Variants in NPM2 observed in about 807,000 individuals in gnomAD.
The protein encoded by NPM2 is nucleophosmin/nucleoplasmin 2.
A neutral mutation model predicts 32.0 loss-of-function variants in NPM2; 25 were observed. The ratio of observed to expected loss-of-function variants is 0.78; its 90% CI spans 0.57 to 1.09. The LOEUF is 1.09. Among genes scored for constraint, NPM2 ranks in the 50% least tolerant of loss-of-function variants. NPM2 has a pLI of 0.00. For missense variants in NPM2, 282 were observed against 259.9 expected, an observed-to-expected ratio of 1.08 and a Z score of -0.58; for synonymous variants, 111 against 94.2, an observed-to-expected ratio of 1.18 and a Z score of -1.04.
chr8:22,034,318 T>TA (rs1800546787), intron 7 of NPM2, 43 bp downstream of exon 7: 1 of 1,541,166 alleles, frequency 6.5e-7, no homozygotes, highest in Non-Finnish European at 8.8e-7. Context: ...GTGGTACCCC[T>TA]ACAGAAGCAC....
Position 22,025,541 on chromosome 8 carries a change from G to A in NPM2, c.144+20G>A, listed in dbSNP as rs1347431121. 2 of 1,613,826 alleles carry A rather than the reference G, an allele frequency of 1.2e-6. No individual in the cohort carries two copies. Among genetic ancestry groups the A allele is most frequent in the Non-Finnish European group, 1.7e-6 (2 of 1,179,790 alleles). ...CATACGGTAGGTGTTCCCAAAAGAG[G>A]GGAGGAAGATGGTGTCCGGGAACTT... On this transcript the variant is annotated intron_variant, in intron 4 of 9. Transcript: ENST00000518119.
chr8:22,034,898 A>C (rs1800569753), intron 8 of NPM2, among the ~76,000 whole-genome samples: 1 of 152,226 alleles, frequency 6.6e-6, no homozygotes, highest in South Asian at 2.1e-4. Flanking sequence ...ACTTGAGGTC[A>C]GGAGCTCGAG....
At chr8:22,031,815 C>T (rs1417028076) in intron 5 of NPM2, among the ~76,000 whole-genome samples, 1 of 152,206 alleles carries the variant, frequency 6.6e-6, no homozygotes, top group Non-Finnish European at 1.5e-5. Flanking sequence ...GGTTGCAGCA[C>T]ACCAGCTCCT....
At chr8:22,030,115 C>T (rs554078743) in intron 5 of NPM2, among the ~76,000 whole-genome samples, 4 of 152,236 alleles carry the variant, frequency 2.6e-5, no homozygotes, top group African/African-American at 9.6e-5. Flanking sequence ...GTGTTAGCTC[C>T]CCCAATGTTT....
At chr8:22,026,523 C>T (rs140277449) in intron 5 of NPM2, among the ~76,000 whole-genome samples, 273 of 142,372 alleles carry the variant, frequency 1.9e-3, no homozygotes, top group African/African-American at 6.6e-3. Flanking sequence ...GGTGCAATCT[C>T]AGCTCACTGC....
Position 22,036,531 on chromosome 8 carries a change from G to A in NPM2, c.600+5G>A, listed in dbSNP as rs1260834548. 1.9e-6 allele frequency: 3 copies of A among 1,598,950 alleles called. No homozygotes were observed. The highest frequency in any genetic ancestry group is 2.7e-5 in the African/African-American group (2 of 74,408). On this transcript the variant is annotated splice_donor_5th_base_variant and intron_variant, in intron 9 of 9. Transcript: ENST00000518119. ...GACAAGAGCCCTGTGAAAAAGGTGA[G>A]TAGGACCAGAGGGCTTTGGCCCTTG...
chr8:22,025,036 C>T (rs1236070001), intron 2 of NPM2, 180 bp from the exon 3 acceptor site: 7 of 560,234 alleles, frequency 1.2e-5, no homozygotes, highest in Non-Finnish European at 1.9e-5. Flanking sequence ...CCGGGCTGCG[C>T]ACCCCGCTAG....
intron 5 of NPM2, among the ~76,000 whole-genome samples, chr8:22,026,247 C>T (rs1295724804): frequency 6.6e-6 from 1 of 152,076 alleles, no homozygotes; most frequent in Admixed American, 6.6e-5. Flanking sequence ...AACCACCCCC[C>T]ACTCCCACCC....
intron 9 of NPM2, 48 bp from the exon 10 acceptor site, chr8:22,036,590 G>A (rs1163047071): frequency 7.1e-6 from 11 of 1,558,946 alleles, no homozygotes; most frequent in Non-Finnish European, 8.7e-6. Flanking sequence ...GGGGCTGCCT[G>A]GTATGGAGAA....
At chr8:22,033,085 G>A (rs557705763) in intron 5 of NPM2, 45 bp from the exon 6 acceptor site, 6 of 1,450,920 alleles carry the variant, frequency 4.1e-6, no homozygotes, top group African/African-American at 2.8e-5. Flanking sequence ...CCCGAGAGGT[G>A]CCAGGCCTAA....
chr8:22,036,726 G>C lies in NPM2; in HGVS notation c.*44G>C, dbSNP rs1247044533. 6.6e-7 allele frequency: 1 copy of C among 1,521,198 alleles called. No individual in the cohort carries two copies. The highest frequency in any genetic ancestry group is 8.8e-7 in the Non-Finnish European group (1 of 1,135,980). The allele number at this position is 1,521,198 out of a possible 1,614,324, so 94.2% of individuals were successfully genotyped here. ...GCACGGTGCAAAGTGGGCCTTCCCT[G>C]GGCTGTGCTGCAGGCACAGGGTGCC... On this transcript the variant is annotated 3_prime_UTR_variant, in exon 10 of 10. Coordinates refer to ENST00000518119, the MANE Select transcript of NPM2 (RefSeq NM_001286680.2).
At chr8:22,034,048 G>T in intron 6 of NPM2, 61 bp from the exon 7 acceptor site, 1 of 1,534,772 alleles carries the variant, frequency 6.5e-7, no homozygotes, top group Non-Finnish European at 8.8e-7. Flanking sequence ...AGAATGGGAG[G>T]TGGGCATTGA....
At chr8:22,033,513 C>T (rs780358914) in intron 6 of NPM2, among the ~76,000 whole-genome samples, 8 of 152,202 alleles carry the variant, frequency 5.3e-5, no homozygotes, top group Admixed American at 3.9e-4. Context: ...ATACCCAGCA[C>T]TAGGGAACCA....
intron 5 of NPM2, among the ~76,000 whole-genome samples, chr8:22,027,603 CT>C (rs542386619): frequency 0.012 from 1,770 of 143,098 alleles, 9 homozygotes; most frequent in African/African-American, 0.019. Flanking sequence ...AGACAAAGCT[CT>C]TTTTTTTTTT....
chr8:22,030,956 A>G (rs1294865130), intron 5 of NPM2, among the ~76,000 whole-genome samples: 1 of 152,124 alleles, frequency 6.6e-6, no homozygotes, highest in Non-Finnish European at 1.5e-5. Context: ...ATGTTTTGTA[A>G]TTTTATACGG....
rs1300202863 is a variant in NPM2 at position 22,025,791 on chromosome 8, G to C, written c.270+19G>C. On this transcript the variant is annotated intron_variant, in intron 5 of 9. Transcript: ENST00000518119. ...CCCCATGGTGCGCATTTCCCTGCTG[G>C]CTGGAAGACTGCTGTCAGCCTCACC... The C allele has an allele frequency of 6.2e-7, 1 of 1,613,638 alleles. No individual in the cohort carries two copies. The highest frequency in any genetic ancestry group is 1.7e-5 in the Admixed American group (1 of 60,020).
At chr8:22,034,353 C>T in intron 7 of NPM2, 78 bp downstream of exon 7, 2 of 1,432,964 alleles carry the variant, frequency 1.4e-6, no homozygotes, top group East Asian at 2.3e-5. Flanking sequence ...CCACCGGGAG[C>T]CTGGGCCAGC....
At position 22,033,218 on chromosome 8, in the gene NPM2, G is replaced by T; in HGVS notation, c.359G>T (p.Arg120Leu). Residue 120 changes from arginine (R) to leucine (L), a missense_variant, in exon 6 of 10, where the codon CGT (arginine) becomes CTT (leucine). Arg to Leu is a moderately radical substitution (Grantham distance 102). Transcript: ENST00000518119. ...CCCGTGTTCCTCAGTGGCCAGGAAC[G>T]TTATGGTAAGTCAGAGCCTGCGATC... ...SGPVFLSGQE[R>L]YEASDLTWEE... 4 of 1,613,650 alleles carry T rather than the reference G, an allele frequency of 2.5e-6. No homozygotes were observed. The highest frequency in any genetic ancestry group is 3.4e-6 in the Non-Finnish European group (4 of 1,179,592).
At chr8:22,032,922 G>A (rs754889135) in intron 5 of NPM2, among the ~76,000 whole-genome samples, 1 of 151,998 alleles carries the variant, frequency 6.6e-6, no homozygotes, top group African/African-American at 2.4e-5. Context: ...TCTATCTGAC[G>A]GCTGCCCTTC....
Sources: gnomAD v4.1 joint callset for allele counts (sites outside exome capture counted in the v4.1 genomes callset) on GRCh38, gnomAD v4.1.1 for gene constraint, MANE v1.5 for transcripts, NCBI Gene and HGNC (gene_info 2026-07-23, HGNC 2026-07-21) for gene names.